Variants in OSBPL9 observed in about 807,000 individuals in gnomAD.
OSBPL9 encodes the protein oxysterol-binding protein-related protein 9.
Under a neutral mutation model 106.6 loss-of-function variants are expected in OSBPL9, and 40 were observed. The ratio of observed to expected loss-of-function variants is 0.38; its 90% CI spans 0.29 to 0.49. The LOEUF is 0.49. OSBPL9 is among the 20% of genes least tolerant of loss of function. The pLI is 0.97. For missense variants in OSBPL9, 609 were observed against 887.2 expected, an observed-to-expected ratio of 0.69 and a Z score of 3.98; for synonymous variants, 269 against 295.4, an observed-to-expected ratio of 0.91 and a Z score of 0.92.
intron 1 of OSBPL9, among the ~76,000 whole-genome samples, chr1:51,635,857 G>T (rs1229939053): frequency 1.3e-5 from 2 of 151,654 alleles, no homozygotes; most frequent in South Asian, 4.2e-4. Context: ...AATCTCTACA[G>T]CCCTGAATTA....
Position 51,747,462 on chromosome 1 carries a change from G to T in OSBPL9, c.462+705G>T, listed in dbSNP as rs75156226. Among the ~76,000 whole-genome samples the T allele has an allele frequency of 8.1e-3, 1,222 of 150,854 alleles. 21 individuals carry two copies. The highest frequency in any genetic ancestry group is 0.029 in the African/African-American group (1,179 of 41,016). On this transcript the variant is annotated intron_variant, in intron 6 of 23. Transcript: ENST00000428468. ...CAAATCAAATACTGCTTTAATTATGGTTCTGCTATTGTCCCCCACTTGCAT... is the reference window on the plus strand; with the variant it reads ...CAAATCAAATACTGCTTTAATTATGTTTCTGCTATTGTCCCCCACTTGCAT...
At chr1:51,536,471 C>T in the OSBPL9 span, among the ~76,000 whole-genome samples, 1 of 152,006 alleles carries the variant, frequency 6.6e-6, no homozygotes, top group Non-Finnish European at 1.5e-5. Context: ...ACCACTATGC[C>T]TGGCTAATTT....
chr1:51,579,303 A>C (rs979695791), intron 1 of OSBPL9, among the ~76,000 whole-genome samples: 6 of 152,188 alleles, frequency 3.9e-5, no homozygotes, highest in Non-Finnish European at 2.9e-5. Context: ...ATTTGTGTGC[A>C]TATGTAATCT....
chr1:51,635,142 G>A (rs1478303296), intron 1 of OSBPL9, among the ~76,000 whole-genome samples: 1 of 152,184 alleles, frequency 6.6e-6, no homozygotes, highest in Admixed American at 6.5e-5. Flanking sequence ...TGTGGGAAAA[G>A]TTTCTCTGTC....
chr1:51,733,024 G>A lies in OSBPL9; in HGVS notation c.319-12512G>A, dbSNP rs575274314. ...TACCCCACTGTATCTCAAGTGGTAAGCCTCCAGTTCTTCCTTAGCATACAG... is the reference window on the plus strand; with the variant it reads ...TACCCCACTGTATCTCAAGTGGTAAACCTCCAGTTCTTCCTTAGCATACAG... On this transcript the variant is annotated intron_variant, in intron 4 of 23. Transcript: ENST00000428468. Among the ~76,000 whole-genome samples the A allele has an allele frequency of 7.9e-5, 12 of 152,282 alleles. No individual in the cohort carries two copies. The East Asian group carries it at 2.3e-3, about 29-fold the overall frequency.
In OSBPL9 at chr1:51,782,648, G is replaced by GT; in HGVS notation, c.1513+7dup. On this transcript the variant is annotated splice_donor_region_variant and intron_variant, in intron 17 of 23. Transcript: ENST00000428468. ...AGGTTTCCCATCATCCACCCAGTAA[G>GT]TTACAGAGCTCCTCTGCAACCTGTG... 6.2e-7 allele frequency: 1 copy of GT among 1,613,232 alleles called. No homozygotes were observed. The highest frequency in any genetic ancestry group is 8.5e-7 in the Non-Finnish European group (1 of 1,179,324).
At chr1:51,776,467 AAAT>A (rs1478704463) in intron 14 of OSBPL9, among the ~76,000 whole-genome samples, 1 of 152,254 alleles carries the variant, frequency 6.6e-6, no homozygotes, top group African/African-American at 2.4e-5. Flanking sequence ...TGTAATATAC[AAAT>A]AATAAAATAA....
chr1:51,591,897 T>A (rs1462802100), intron 1 of OSBPL9, among the ~76,000 whole-genome samples: 1 of 152,094 alleles, frequency 6.6e-6, no homozygotes, highest in Admixed American at 6.6e-5. Context: ...CCTTCCCAGT[T>A]CTGAGTACCC....
chr1:51,607,146 T>C (rs1643954407), intron 2 of OSBPL9, among the ~76,000 whole-genome samples: 1 of 151,254 alleles, frequency 6.6e-6, no homozygotes, highest in Non-Finnish European at 1.5e-5. Flanking sequence ...ACAGATGTTT[T>C]TCTTTTCTTT....
chr1:51,763,630 C>T (rs1220094072), intron 11 of OSBPL9, among the ~76,000 whole-genome samples: 1 of 152,058 alleles, frequency 6.6e-6, no homozygotes, highest in Non-Finnish European at 1.5e-5. Flanking sequence ...AGTACTGATG[C>T]TATTACTTTG....
the OSBPL9 span, chr1:51,561,385 C>T: frequency 6.6e-6 from 1 of 152,110 alleles, no homozygotes; most frequent in African/African-American, 2.4e-5. Context: ...ATATTTTCAC[C>T]CCCATCAATA....
chr1:51,617,017 A>ACCCGCCCCGCCCCCTGCGGC, upstream of OSBPL9: 1 of 1,405,532 alleles, frequency 7.1e-7, no homozygotes, highest in South Asian at 1.3e-5. Context: ...CCCGCCCAGG[A>ACCCGCCCCGCCCCCTGCGGC]CCCGCCCCGC....
At chr1:51,711,230 C>T (rs1659740475) in intron 3 of OSBPL9, among the ~76,000 whole-genome samples, 1 of 151,414 alleles carries the variant, frequency 6.6e-6, no homozygotes, top group South Asian at 2.1e-4. Context: ...GGCACACCTC[C>T]CAGACGGGGT....
At chr1:51,697,865 A>G (rs12074299) in intron 3 of OSBPL9, among the ~76,000 whole-genome samples, 27,991 of 150,112 alleles carry the variant, frequency 0.19, 3,270 homozygotes, top group Middle Eastern at 0.32. Context: ...GGCATTATTG[A>G]GAATTAGGAG....
intron 1 of OSBPL9, among the ~76,000 whole-genome samples, chr1:51,638,641 A>G (rs1645598866): frequency 2.0e-5 from 3 of 152,010 alleles, no homozygotes; most frequent in Admixed American, 1.3e-4. Flanking sequence ...AGGCTGAGGC[A>G]GGCAGATCCC....
intron 3 of OSBPL9, among the ~76,000 whole-genome samples, chr1:51,684,362 G>T (rs1653276681): frequency 6.6e-6 from 1 of 152,046 alleles, no homozygotes; most frequent in Non-Finnish European, 1.5e-5. Context: ...CTTGCAAATT[G>T]CTAAGAAAGT....
At chr1:51,689,549 T>C (rs1475198773) in intron 3 of OSBPL9, among the ~76,000 whole-genome samples, 2 of 152,186 alleles carry the variant, frequency 1.3e-5, no homozygotes, top group Admixed American at 1.3e-4. Flanking sequence ...TTCTCTTTTC[T>C]TCCCCAGAAT....
chr1:51,544,705 A>G, the OSBPL9 span, among the ~76,000 whole-genome samples: 1 of 152,150 alleles, frequency 6.6e-6, no homozygotes, highest in African/African-American at 2.4e-5. Context: ...AAAATAAAAA[A>G]AGAATGTAGA....
At chr1:51,762,885 A>C (rs1671820510) in intron 11 of OSBPL9, among the ~76,000 whole-genome samples, 1 of 152,148 alleles carries the variant, frequency 6.6e-6, no homozygotes, top group East Asian at 1.9e-4. Flanking sequence ...CTTGTACAGC[A>C]CCTTTGGCAT....
Sources: gnomAD v4.1 joint callset for allele counts (sites outside exome capture counted in the v4.1 genomes callset) on GRCh38, gnomAD v4.1.1 for gene constraint, MANE v1.5 for transcripts, NCBI Gene and HGNC (gene_info 2026-07-23, HGNC 2026-07-21) for gene names.